The following MED27 variants were observed in gnomAD, a reference collection of about 807,000 sequenced individuals.
The protein encoded by MED27 is mediator complex subunit 27.
Under a neutral mutation model 38.2 loss-of-function variants are expected in MED27, and 30 were observed. The observed-to-expected ratio is 0.79, with a 90% CI of 0.59 to 1.07. MED27 has a LOEUF of 1.07. MED27 is among the 50% of genes least tolerant of loss of function. The pLI, the probability that MED27 is intolerant of heterozygous loss-of-function variation, is 0.00. For synonymous variants in MED27, 122 were observed against 153.5 expected, an observed-to-expected ratio of 0.79 and a Z score of 1.52; for missense variants, 289 against 397.5, an observed-to-expected ratio of 0.73 and a Z score of 2.32.
At chr9:131,995,779 C>T (rs930893792) in intron 3 of MED27, among the ~76,000 whole-genome samples, 1 of 152,212 alleles carries the variant, frequency 6.6e-6, no homozygotes, top group Non-Finnish European at 1.5e-5. Context: ...ACAGCTGAAG[C>T]ACCAGCTTGG....
intron 4 of MED27, among the ~76,000 whole-genome samples, chr9:131,904,925 C>A (rs1410432521): frequency 6.6e-6 from 1 of 152,186 alleles, no homozygotes; most frequent in Non-Finnish European, 1.5e-5. Flanking sequence ...ATATAAAATT[C>A]TTCACAATCT....
intron 2 of MED27, among the ~76,000 whole-genome samples, chr9:132,049,993 C>A (rs942989314): frequency 6.6e-6 from 1 of 151,910 alleles, no homozygotes; most frequent in African/African-American, 2.4e-5. Flanking sequence ...TCCTTGAGTT[C>A]AAGGCCAAGA....
At chr9:131,952,735 C>A (rs1212962554) in intron 3 of MED27, among the ~76,000 whole-genome samples, 3 of 152,236 alleles carry the variant, frequency 2.0e-5, no homozygotes, top group Non-Finnish European at 2.9e-5. Flanking sequence ...CCTCTCCACG[C>A]AGCTCTCTCT....
intron 3 of MED27, among the ~76,000 whole-genome samples, chr9:131,945,678 G>A (rs538454608): frequency 4.0e-5 from 6 of 151,584 alleles, no homozygotes; most frequent in Non-Finnish European, 2.9e-5. Flanking sequence ...AAGTGAGATC[G>A]TGGCCAGGTG....
intron 3 of MED27, among the ~76,000 whole-genome samples, chr9:131,948,513 A>C (rs556325651): frequency 7.9e-5 from 12 of 151,636 alleles, no homozygotes; most frequent in East Asian, 7.7e-4. Flanking sequence ...AAAAAAAAAA[A>C]ACAAAAAACC....
At chr9:132,034,460 C>T (rs377642486) in intron 2 of MED27, among the ~76,000 whole-genome samples, 11 of 152,234 alleles carry the variant, frequency 7.2e-5, no homozygotes, top group South Asian at 4.1e-4. Context: ...CGCTTTGATG[C>T]TATTGCAGCG....
intron 2 of MED27, among the ~76,000 whole-genome samples, chr9:132,044,877 A>G (rs1260490303): frequency 1.3e-5 from 2 of 152,230 alleles, no homozygotes; most frequent in East Asian, 3.8e-4. Context: ...AAAACAGGAA[A>G]AAGTTTTAAT....
intron 2 of MED27, among the ~76,000 whole-genome samples, chr9:132,072,746 CATG>C (rs977884809): frequency 3.5e-4 from 54 of 152,220 alleles, no homozygotes; most frequent in African/African-American, 1.3e-3. Flanking sequence ...ATCCTAAAGT[CATG>C]ATGATTAAAT....
At chr9:131,920,096 C>T (rs554125957) in intron 4 of MED27, among the ~76,000 whole-genome samples, 1 of 152,254 alleles carries the variant, frequency 6.6e-6, no homozygotes, top group African/African-American at 2.4e-5. Context: ...TAGACGTGAG[C>T]CATCACACCT....
At chr9:131,955,946 T>C (rs562764997) in intron 3 of MED27, among the ~76,000 whole-genome samples, 5 of 152,276 alleles carry the variant, frequency 3.3e-5, no homozygotes, top group Admixed American at 3.3e-4. Context: ...TTATAGACAA[T>C]ACTCTTCCAT....
chr9:131,898,101 ATTTT>A (rs1039409485), intron 4 of MED27, among the ~76,000 whole-genome samples: 26 of 131,906 alleles, frequency 2.0e-4, no homozygotes, highest in African/African-American at 5.1e-4. Context: ...TGCAGGTTTG[ATTTT>A]TTTTTTTTTT....
intron 3 of MED27, among the ~76,000 whole-genome samples, chr9:131,955,996 T>C (rs1831088294): frequency 6.6e-6 from 1 of 152,106 alleles, no homozygotes; most frequent in African/African-American, 2.4e-5. Context: ...TATTAGCAAA[T>C]AGAATCCAGC....
chr9:131,985,697 G>T (rs982029572), intron 3 of MED27, among the ~76,000 whole-genome samples: 10 of 136,608 alleles, frequency 7.3e-5, no homozygotes, highest in African/African-American at 2.1e-4. Flanking sequence ...AATTTTAATT[G>T]TTTTTTTTTT....
In MED27 at chr9:131,872,987, G is replaced by A. The variant is rs1266771666; in HGVS notation, c.724-9847C>T. 6.6e-6 allele frequency among the ~76,000 whole-genome samples: 1 copy of A among 152,262 alleles called. No homozygotes were observed. The highest frequency in any genetic ancestry group is 1.9e-4 in the East Asian group (1 of 5,202). On this transcript the variant is annotated intron_variant, in intron 6 of 7. Coordinates refer to ENST00000292035, the MANE Select transcript of MED27 (RefSeq NM_004269.4). This position sits in a 1 kb window ranked among gnomAD's most constrained non-coding sequence, Gnocchi z 5.6. The stretch of plus-strand genomic sequence containing the variant: ...CAAGTAGCAGGCAGCAAAGCCAAAC[G>A]TGTGCTAGGCACAGGTGCCCAGGCA...
In MED27 at chr9:132,062,668, A is replaced by T. The variant is rs143749590; in HGVS notation, c.348+14774T>A. Among the ~76,000 whole-genome samples, 220 of 151,294 alleles carry T rather than the reference A, an allele frequency of 1.5e-3. 1 individual carries two copies. The highest frequency in any genetic ancestry group is 5.2e-3 in the African/African-American group (213 of 41,100). On this transcript the variant is annotated intron_variant, in intron 2 of 7. Coordinates refer to ENST00000292035, the MANE Select transcript of MED27 (RefSeq NM_004269.4). ...GGTCTCATTCTGTCACTCAGGCTGG[A>T]GTACAGTGGGGTGATCACAGCTCAC...
intron 2 of MED27, among the ~76,000 whole-genome samples, chr9:132,066,913 C>T (rs915911180): frequency 6.6e-6 from 1 of 152,206 alleles, no homozygotes; most frequent in South Asian, 2.1e-4. Flanking sequence ...GGAGAAGAAG[C>T]CTCCTGGCAC....
rs572079527 is a variant in MED27 at position 131,987,828 on chromosome 9, T to C, written c.479+26509A>G. On this transcript the variant is annotated intron_variant, in intron 3 of 7. Transcript: ENST00000292035. The stretch of plus-strand genomic sequence containing the variant: ...AACCTCATTAATTCTACTGGGGCAG[T>C]GGGGAAAGCAGTCAAGTAGGAATCA... Among the ~76,000 whole-genome samples the C allele has an allele frequency of 2.6e-5, 4 of 152,260 alleles. No individual in the cohort carries two copies. In the South Asian group the frequency reaches 8.3e-4, roughly 32 times the overall value.
At chr9:131,937,796 A>G (rs1830709712) in intron 4 of MED27, among the ~76,000 whole-genome samples, 1 of 151,136 alleles carries the variant, frequency 6.6e-6, no homozygotes. Context: ...GTATCTTAAA[A>G]TCTGGGCAAT....
intron 3 of MED27, among the ~76,000 whole-genome samples, chr9:131,959,188 G>A (rs1212747205): frequency 6.6e-6 from 1 of 152,210 alleles, no homozygotes; most frequent in Non-Finnish European, 1.5e-5. Context: ...AAGTAGGTGA[G>A]TTACTGGGCT....
Sources: allele counts gnomAD v4.1 joint callset (sites outside exome capture counted in the v4.1 genomes callset), GRCh38; gene constraint gnomAD v4.1.1; non-coding constraint Gnocchi (gnomAD v3.1); transcripts MANE v1.5; gene names NCBI Gene and HGNC (gene_info 2026-07-23, HGNC 2026-07-21).